KIAA0753: variants seen among roughly 807,000 people sequenced by gnomAD.
KIAA0753 encodes KIAA0753.
In KIAA0753, 114 loss-of-function variants were observed where a neutral mutation model predicts 116.9. The ratio of observed to expected loss-of-function variants is 0.98; its 90% CI spans 0.84 to 1.14. The LOEUF is 1.14. KIAA0753 is among the 50% of genes most tolerant of loss of function. The pLI is 0.00. For missense variants in KIAA0753, 1,156 were observed against 1,172.4 expected, an observed-to-expected ratio of 0.99 and a Z score of 0.20; for synonymous variants, 405 against 413.1, an observed-to-expected ratio of 0.98 and a Z score of 0.24.
At chr17:6,608,703 C>G (rs556981106) in intron 9 of KIAA0753, among the ~76,000 whole-genome samples, 35 of 152,294 alleles carry the variant, frequency 2.3e-4, no homozygotes, top group Admixed American at 2.3e-3. Flanking sequence ...AAATGAGAAA[C>G]AGTGATCAAT....
intron 7 of KIAA0753, among the ~76,000 whole-genome samples, chr17:6,612,476 T>A (rs1435546960): frequency 1.3e-5 from 2 of 152,216 alleles, no homozygotes; most frequent in Admixed American, 1.3e-4. Context: ...GCTTGCAGTA[T>A]CCTGTGACTG....
Position 6,610,170 on chromosome 17 carries a change from A to G in KIAA0753, c.1546-10T>C. 6.2e-7 allele frequency: 1 copy of G among 1,613,476 alleles called. No individual in the cohort carries two copies. The highest frequency in any genetic ancestry group is 8.5e-7 in the Non-Finnish European group (1 of 1,179,608). ...CAGCTTTGCGGAGTCCCTGTGAGAG[A>G]TAAGTAAGAATTATAAGGCCACACA... On this transcript the variant is annotated splice_polypyrimidine_tract_variant and intron_variant, in intron 8 of 18. Transcript: ENST00000361413.
At chr17:6,580,595 C>T (rs906390810) in intron 18 of KIAA0753, among the ~76,000 whole-genome samples, 15 of 152,130 alleles carry the variant, frequency 9.9e-5, no homozygotes, top group African/African-American at 3.6e-4. Context: ...GGATTACAGG[C>T]ATGAGCCACT....
intron 14 of KIAA0753, among the ~76,000 whole-genome samples, chr17:6,596,685 C>T (rs1969509107): frequency 6.6e-6 from 1 of 152,198 alleles, no homozygotes; most frequent in African/African-American, 2.4e-5. Context: ...CAATATTTTA[C>T]ACGTCACACA....
intron 16 of KIAA0753, among the ~76,000 whole-genome samples, chr17:6,591,326 C>T (rs1486855622): frequency 2.6e-5 from 4 of 152,144 alleles, no homozygotes; most frequent in Non-Finnish European, 5.9e-5. Flanking sequence ...ATATGTCAAG[C>T]GACTTGGCTC....
At chr17:6,601,417 A>G (rs149056799) in intron 12 of KIAA0753, among the ~76,000 whole-genome samples, 1 of 152,280 alleles carries the variant, frequency 6.6e-6, no homozygotes, top group African/African-American at 2.4e-5. Context: ...TTAGACTCAC[A>G]GCCCTCTTCC....
intron 7 of KIAA0753, among the ~76,000 whole-genome samples, chr17:6,612,769 G>A (rs984178667): frequency 6.6e-6 from 1 of 152,288 alleles, no homozygotes; most frequent in Admixed American, 6.5e-5. Context: ...TCAGGAGGCT[G>A]AGGCAGGAGA....
At chr17:6,613,742 A>C (rs932723424) in intron 7 of KIAA0753, among the ~76,000 whole-genome samples, 8 of 152,232 alleles carry the variant, frequency 5.3e-5, no homozygotes, top group African/African-American at 1.9e-4. Context: ...AATGGAATGA[A>C]GGCCTAAATG....
chr17:6,582,276 A>G (rs776226909), intron 18 of KIAA0753, among the ~76,000 whole-genome samples: 4 of 152,232 alleles, frequency 2.6e-5, no homozygotes, highest in Non-Finnish European at 5.9e-5. Flanking sequence ...CTTTAGCCAG[A>G]GGTAAAGAGT....
At chr17:6,619,761 G>GA (rs1042053859) in intron 7 of KIAA0753, among the ~76,000 whole-genome samples, 3 of 151,458 alleles carry the variant, frequency 2.0e-5, no homozygotes, top group African/African-American at 7.3e-5. Context: ...AAAGAAAAAA[G>GA]AAAAAAAACA....
chr17:6,592,387 T>A (rs1478014022), intron 16 of KIAA0753, among the ~76,000 whole-genome samples: 1 of 152,204 alleles, frequency 6.6e-6, no homozygotes, highest in Non-Finnish European at 1.5e-5. Context: ...TCACGGCGCT[T>A]ACATTCCTTA....
intron 18 of KIAA0753, among the ~76,000 whole-genome samples, chr17:6,585,211 C>A (rs1243561349): frequency 6.6e-6 from 1 of 152,210 alleles, no homozygotes; most frequent in Non-Finnish European, 1.5e-5. Flanking sequence ...TTATTAAAAA[C>A]AATATGCCAT....
chr17:6,638,786 C>G (rs1161528286), intron 1 of KIAA0753: 1 of 153,086 alleles, frequency 6.5e-6, no homozygotes. Flanking sequence ...GCCTGGGGCA[C>G]CCTTACCATC....
In KIAA0753 at chr17:6,605,083, A is replaced by G. The variant is rs539228527; in HGVS notation, c.2009+1790T>C. Among the ~76,000 whole-genome samples, 3 of 140,658 alleles carry G rather than the reference A, an allele frequency of 2.1e-5. No homozygotes were observed. The East Asian group carries it at 6.7e-4, about 31-fold the overall frequency. The allele number at this position is 140,658 out of a possible 152,430, so 92.3% of individuals were successfully genotyped here. The stretch of plus-strand genomic sequence containing the variant: ...GGCAACATAGTGAGACCTTGTCTCT[A>G]ACTTGAAAAAAAAAAAAAAAAAAAA... On this transcript the variant is annotated intron_variant, in intron 12 of 18. Transcript: ENST00000361413.
rs1443196930 is a variant in KIAA0753 at position 6,624,805 on chromosome 17, G to A, written c.775C>T (p.Gln259Ter). 3.2e-6 allele frequency: 5 copies of A among 1,564,320 alleles called. No individual in the cohort carries two copies. Among genetic ancestry groups the A allele is most frequent in the East Asian group, 2.3e-5 (1 of 42,886 alleles). Residue 259 changes from glutamine to a stop codon, truncating the protein, a stop_gained, in exon 4 of 19, where the codon CAG (glutamine) becomes TAG (stop). Coordinates refer to ENST00000361413, the MANE Select transcript of KIAA0753 (RefSeq NM_014804.3). LOFTEE classifies it high-confidence loss of function. ...CGGGCAGAGCGAGCAGCTTGCTCCT[G>A]TCTCCTGATACGGATTCGACGTTCT... is the stretch of plus-strand genomic sequence containing the variant. ...DEERRIRIRR[Q>*]EQAARSARML...
intron 13 of KIAA0753, 86 bp from the exon 14 acceptor site, chr17:6,599,406 G>T: frequency 1.1e-6 from 1 of 908,924 alleles, no homozygotes; most frequent in Non-Finnish European, 1.7e-6. Context: ...AGAATGACTT[G>T]TGTGGAACTA....
At chr17:6,618,373 G>T (rs1314013836) in intron 7 of KIAA0753, among the ~76,000 whole-genome samples, 1 of 152,210 alleles carries the variant, frequency 6.6e-6, no homozygotes. Context: ...CCAGGAGGGG[G>T]TCAAGGGAAC....
chr17:6,620,651 T>C (rs1971253284), intron 7 of KIAA0753, 137 bp downstream of exon 7: 2 of 780,966 alleles, frequency 2.6e-6, no homozygotes, highest in South Asian at 3.2e-5. Context: ...TTGGTTGCTA[T>C]TTACTGATCC....
chr17:6,581,194 T>C (rs953796192), intron 18 of KIAA0753, among the ~76,000 whole-genome samples: 15 of 152,170 alleles, frequency 9.9e-5, no homozygotes, highest in Non-Finnish European at 1.5e-5. Context: ...CACAGCTCTT[T>C]AGTCTACTGT....
Sources: allele counts gnomAD v4.1 joint callset (sites outside exome capture counted in the v4.1 genomes callset), GRCh38; gene constraint gnomAD v4.1.1; transcripts MANE v1.5; gene names NCBI Gene and HGNC (gene_info 2026-07-23, HGNC 2026-07-21).